The following MCC variants were observed in gnomAD, a reference collection of about 807,000 sequenced individuals.
MCC encodes MCC regulator of Wnt signaling pathway.
A neutral mutation model predicts 116.2 loss-of-function variants in MCC; 90 were observed. That is an observed-to-expected ratio of 0.77 (90% CI 0.65 to 0.92). MCC has a LOEUF of 0.92. MCC is among the 40% of genes least tolerant of loss of function. MCC has a pLI of 0.00. For missense variants in MCC, 1,516 were observed against 1,312.2 expected, an observed-to-expected ratio of 1.16 and a Z score of -2.40; for synonymous variants, 578 against 510.5, an observed-to-expected ratio of 1.13 and a Z score of -1.78.
intron 11 of MCC, among the ~76,000 whole-genome samples, chr5:113,078,718 A>G (rs1342466291): frequency 6.6e-6 from 1 of 152,208 alleles, no homozygotes; most frequent in Non-Finnish European, 1.5e-5. Flanking sequence ...AATGGGCACA[A>G]ACTGGAAGCA....
At chr5:113,191,342 G>A (rs1452716151) in intron 3 of MCC, among the ~76,000 whole-genome samples, 1 of 152,200 alleles carries the variant, frequency 6.6e-6, no homozygotes, top group East Asian at 1.9e-4. Context: ...ATAGGAATAA[G>A]AGGAGGTCCC....
At chr5:113,342,516 T>C (rs1341221600) in intron 2 of MCC, among the ~76,000 whole-genome samples, 1 of 152,204 alleles carries the variant, frequency 6.6e-6, no homozygotes, top group Non-Finnish European at 1.5e-5. Context: ...CTAATAGTTA[T>C]AATACAAATG....
intron 1 of MCC, among the ~76,000 whole-genome samples, chr5:113,450,704 T>C (rs991506060): frequency 8.5e-5 from 13 of 152,192 alleles, no homozygotes; most frequent in African/African-American, 3.1e-4. Context: ...CATGTTCCAC[T>C]CAAACTGCCT....
At chr5:113,116,264 A>C (rs1369236672) in intron 6 of MCC, among the ~76,000 whole-genome samples, 1 of 152,194 alleles carries the variant, frequency 6.6e-6, no homozygotes, top group African/African-American at 2.4e-5. Flanking sequence ...TGGCATCCAT[A>C]TGTGATCTGC....
At position 113,172,763 on chromosome 5, in the gene MCC, C is replaced by G. The variant is rs367960848; in HGVS notation, c.628-21341G>C. ...AATTCGTGGAAATAGAGTTAATTAT[C>G]TGGCCAAGGCTTCTGACTGTGAAAT... On this transcript the variant is annotated intron_variant, in intron 3 of 18. Coordinates refer to ENST00000408903, the MANE Select transcript of MCC (RefSeq NM_001085377.2). 3.1e-4 allele frequency among the ~76,000 whole-genome samples: 47 copies of G among 152,328 alleles called. 1 individual carries two copies. Among genetic ancestry groups the G allele is most frequent in the African/African-American group, 1.1e-3 (44 of 41,570 alleles).
rs150572258 is a variant in MCC at position 113,080,568 on chromosome 5, C to T, written c.1784+2292G>A. Among the ~76,000 whole-genome samples the T allele has an allele frequency of 1.7e-3, 264 of 152,252 alleles. 2 individuals carry two copies. The highest frequency in any genetic ancestry group is 5.9e-3 in the African/African-American group (245 of 41,550). On this transcript the variant is annotated intron_variant, in intron 11 of 18. Transcript: ENST00000408903. ...TATCACAAGGACAGAAAACCAAACA[C>T]CACATGTTCTCACTCATAGGTGGGA...
At position 113,488,257 on chromosome 5, in the gene MCC, C is replaced by T; in HGVS notation, c.158G>A (p.Gly53Glu). ...CCTCCCCGCGTACCTGCTGATGTAT[C>T]CGTCCCCGTCGCCGTCGCACGTCTG... ...LFQTCDGDGD[G>E]YISRNDLLMV... is the part of the protein sequence containing the mutation. The change falls in exon 1 of 19, where the codon GGA becomes GAA. Residue 53 changes from glycine (G) to glutamate (E), a missense_variant. Physicochemically the swap from Gly to Glu is moderately conservative, Grantham distance 98 (BLOSUM62 -2). Coordinates refer to ENST00000408903, the MANE Select transcript of MCC (RefSeq NM_001085377.2). The T allele has an allele frequency of 6.3e-7, 1 of 1,595,288 alleles. No homozygotes were observed. Among genetic ancestry groups the T allele is most frequent in the Non-Finnish European group, 8.5e-7 (1 of 1,171,664 alleles).
chr5:113,178,443 G>A (rs1027308527), intron 3 of MCC, among the ~76,000 whole-genome samples: 3 of 152,122 alleles, frequency 2.0e-5, no homozygotes, highest in African/African-American at 7.2e-5. Context: ...GGTAGATGGG[G>A]GATTGCCAGG....
intron 2 of MCC, among the ~76,000 whole-genome samples, chr5:113,358,243 C>T (rs1455911644): frequency 6.6e-6 from 1 of 152,184 alleles, no homozygotes; most frequent in Non-Finnish European, 1.5e-5. Flanking sequence ...CTGGGTTTGA[C>T]AGACTTAACT....
At chr5:113,076,485 A>G (rs1286764063) in intron 11 of MCC, among the ~76,000 whole-genome samples, 2 of 152,216 alleles carry the variant, frequency 1.3e-5, no homozygotes, top group Non-Finnish European at 2.9e-5. Context: ...TAAAAGCCAG[A>G]AGAGAGTGGG....
intron 1 of MCC, among the ~76,000 whole-genome samples, chr5:113,458,722 A>T (rs1455531674): frequency 6.6e-6 from 1 of 152,194 alleles, no homozygotes; most frequent in Non-Finnish European, 1.5e-5. Flanking sequence ...TGAGCTGCTG[A>T]GACAATTAGG....
chr5:113,023,682 A>C lies in MCC; in HGVS notation c.*3620T>G, dbSNP rs1448682343. ...AATGATTGGGACATACTCCCAATTA[A>C]GAATTTGCAAATTGTTTAAAGCCTT... On this transcript the variant is annotated 3_prime_UTR_variant, in exon 19 of 19. Transcript: ENST00000408903. The C allele has an allele frequency of 1.3e-5, 2 of 152,260 alleles. No homozygotes were observed. Among genetic ancestry groups the C allele is most frequent in the Non-Finnish European group, 2.9e-5 (2 of 68,038 alleles). The allele number at this position is 152,260 out of a possible 1,614,324, so 9.4% of individuals were successfully genotyped here.
At chr5:113,240,041 T>C (rs1033600110) in intron 3 of MCC, among the ~76,000 whole-genome samples, 6 of 152,234 alleles carry the variant, frequency 3.9e-5, no homozygotes, top group African/African-American at 1.4e-4. Flanking sequence ...TACTCTTTTC[T>C]GGTCTCCTAT....
intron 17 of MCC, among the ~76,000 whole-genome samples, chr5:113,038,451 A>G (rs78885198): frequency 0.037 from 5,607 of 152,186 alleles, 260 homozygotes; most frequent in African/African-American, 0.11. Context: ...GAAATGAGCA[A>G]TGAAATGTTC....
chr5:113,167,149 T>G (rs1348433), intron 3 of MCC, among the ~76,000 whole-genome samples: 45,427 of 152,036 alleles, frequency 0.3, 7,662 homozygotes, highest in African/African-American at 0.47. Context: ...AGATGCGCTG[T>G]GGCAAAAAAG....
intron 1 of MCC, among the ~76,000 whole-genome samples, chr5:113,456,592 G>A (rs1385801385): frequency 6.8e-6 from 1 of 146,204 alleles, no homozygotes; most frequent in Non-Finnish European, 1.5e-5. Flanking sequence ...CAATAGCTGG[G>A]ACTACAGTCA....
intron 3 of MCC, chr5:113,234,434 T>C (rs1764057354): frequency 6.6e-6 from 1 of 152,176 alleles, no homozygotes; most frequent in Non-Finnish European, 1.5e-5. Context: ...CAATCAGCCT[T>C]ACCACATTCT....
In MCC at chr5:113,143,431, G is replaced by C; in HGVS notation, c.742-71C>G. 7 of 1,561,704 alleles carry C rather than the reference G, an allele frequency of 4.5e-6. 1 individual carries two copies. In the South Asian group the frequency reaches 8.0e-5, roughly 18 times the overall value. On this transcript the variant is annotated intron_variant, in intron 4 of 18. Coordinates refer to ENST00000408903, the MANE Select transcript of MCC (RefSeq NM_001085377.2). ...CTACAGGTGGATGATTCCAAGCTTT[G>C]TGGCCTTAAACCATTACAACTGCCA...
intron 3 of MCC, among the ~76,000 whole-genome samples, chr5:113,318,158 A>C (rs1281607115): frequency 6.6e-6 from 1 of 152,202 alleles, no homozygotes; most frequent in Non-Finnish European, 1.5e-5. Flanking sequence ...CTACAGTTTG[A>C]GTACATTCAT....
Sources: allele counts gnomAD v4.1 joint callset (sites outside exome capture counted in the v4.1 genomes callset), GRCh38; gene constraint gnomAD v4.1.1; transcripts MANE v1.5; gene names NCBI Gene and HGNC (gene_info 2026-07-23, HGNC 2026-07-21).